Variants in DLG2 observed in about 807,000 individuals in gnomAD.
DLG2 encodes disks large homolog 2.
In DLG2, 45 loss-of-function variants were observed where a neutral mutation model predicts 132.5. That is an observed-to-expected ratio of 0.34 (90% CI 0.27 to 0.44). The LOEUF is 0.44. DLG2 is among the 20% of genes least tolerant of loss of function. The pLI is 1.00. For synonymous variants in DLG2, 424 were observed against 419.6 expected, an observed-to-expected ratio of 1.01 and a Z score of -0.13; for missense variants, 1,045 against 1,196.9, an observed-to-expected ratio of 0.87 and a Z score of 1.87.
intron 6 of DLG2, among the ~76,000 whole-genome samples, chr11:84,906,144 T>A (rs963486025): frequency 2.0e-5 from 3 of 152,048 alleles, no homozygotes; most frequent in Non-Finnish European, 2.9e-5. Context: ...CACTCTATAA[T>A]TTTTATTTTC....
chr11:85,128,339 A>G (rs968327782), intron 5 of DLG2, among the ~76,000 whole-genome samples: 4 of 152,146 alleles, frequency 2.6e-5, no homozygotes, highest in African/African-American at 9.6e-5. Context: ...TCTTCAGAGA[A>G]AATATAGAAT....
intron 6 of DLG2, among the ~76,000 whole-genome samples, chr11:84,597,793 C>T (rs1173341717): frequency 2.0e-5 from 3 of 152,136 alleles, no homozygotes; most frequent in South Asian, 4.2e-4. Context: ...CATCATTTGC[C>T]TTCAGTAGGA....
At chr11:84,347,938 G>A (rs138737529) in intron 7 of DLG2, among the ~76,000 whole-genome samples, 142 of 152,266 alleles carry the variant, frequency 9.3e-4, no homozygotes, top group African/African-American at 3.1e-3. Flanking sequence ...TCCCCATTCT[G>A]ACAATTTGTG....
In DLG2 at chr11:84,426,556, C is replaced by T. The variant is rs76480691; in HGVS notation, c.519+108014G>A. Among the ~76,000 whole-genome samples, 762 of 152,152 alleles carry T rather than the reference C, an allele frequency of 5.0e-3. 11 individuals carry two copies. The highest frequency in any genetic ancestry group is 0.018 in the African/African-American group (736 of 41,522). On this transcript the variant is annotated intron_variant, in intron 7 of 27. Coordinates refer to ENST00000376104, the MANE Select transcript of DLG2 (RefSeq NM_001142699.3). ...TTGTGAATATTGCTAAATTAGAACACATAAAATCATAGAGTAGTGACTGGC... is the reference window on the plus strand; with the variant it reads ...TTGTGAATATTGCTAAATTAGAACATATAAAATCATAGAGTAGTGACTGGC...
At position 84,300,551 on chromosome 11, in the gene DLG2, C is replaced by T. The variant is rs1158369272; in HGVS notation, c.520-49260G>A. ...CTACTTTCCTATTTGTATTTATTTC[C>T]TTAATTCCTTCCTACTTTCCTTCCT... On this transcript the variant is annotated intron_variant, in intron 7 of 27. Transcript: ENST00000376104. Among the ~76,000 whole-genome samples, 4 of 152,238 alleles carry T rather than the reference C, an allele frequency of 2.6e-5. No homozygotes were observed. In the East Asian group the frequency reaches 5.8e-4, roughly 22 times the overall value.
At chr11:84,356,385 GAACA>G (rs1362227404) in intron 7 of DLG2, among the ~76,000 whole-genome samples, 1 of 152,016 alleles carries the variant, frequency 6.6e-6, no homozygotes, top group East Asian at 1.9e-4. Flanking sequence ...AGAAAACTGA[GAACA>G]AACAAAGAAC....
At chr11:85,241,413 T>A (rs1246945724) in intron 4 of DLG2, among the ~76,000 whole-genome samples, 1 of 151,950 alleles carries the variant, frequency 6.6e-6, no homozygotes, top group Non-Finnish European at 1.5e-5. Context: ...TGGCTAGGGC[T>A]TCCCATATAT....
rs900030825 is a variant in DLG2, at chr11:83,519,996, G to C, written c.2193+12712C>G. ...TTACCTCATGCCCCAAATTCATTAT[G>C]GTATTAATTCTTTGGGCAGGTGAGC... On this transcript the variant is annotated intron_variant, in intron 21 of 27. Coordinates refer to ENST00000376104, the MANE Select transcript of DLG2 (RefSeq NM_001142699.3). 1.1e-4 allele frequency among the ~76,000 whole-genome samples: 16 copies of C among 152,130 alleles called. 1 individual carries two copies. The highest frequency in any genetic ancestry group is 2.7e-4 in the African/African-American group (11 of 41,420).
In DLG2 at chr11:85,549,580, A is replaced by G. The variant is rs60537342; in HGVS notation, c.40+49077T>C. ...TTGAGCCAGAGCAACTCCATCTTGT[A>G]TAGGGGCTAGGTAAAATAAGACTGA... On this transcript the variant is annotated intron_variant, in intron 3 of 27. Transcript: ENST00000376104. 9.2e-3 allele frequency among the ~76,000 whole-genome samples: 1,401 copies of G among 152,340 alleles called. 19 individuals carry two copies. Among genetic ancestry groups the G allele is most frequent in the African/African-American group, 0.03 (1,251 of 41,582 alleles).
intron 12 of DLG2, among the ~76,000 whole-genome samples, chr11:83,969,803 C>T (rs2090974404): frequency 6.6e-6 from 1 of 152,088 alleles, no homozygotes; most frequent in Non-Finnish European, 1.5e-5. Context: ...AAACTCCTGA[C>T]CTCAGGTGAT....
chr11:84,197,446 A>T (rs919065930), intron 8 of DLG2, among the ~76,000 whole-genome samples: 3 of 152,192 alleles, frequency 2.0e-5, no homozygotes, highest in African/African-American at 7.2e-5. Context: ...GAAGTTAAGG[A>T]TCTTCTGTTA....
intron 6 of DLG2, among the ~76,000 whole-genome samples, chr11:84,849,256 G>T (rs2081893317): frequency 1.3e-5 from 2 of 152,162 alleles, no homozygotes. Context: ...TAAAATGGTG[G>T]TTGTTTTAAG....
At chr11:83,837,827 A>G (rs1051514654) in intron 16 of DLG2, among the ~76,000 whole-genome samples, 4 of 151,230 alleles carry the variant, frequency 2.6e-5, no homozygotes, top group Non-Finnish European at 5.9e-5. Flanking sequence ...TTCCAACTCT[A>G]AAGTCTTCCT....
intron 22 of DLG2, among the ~76,000 whole-genome samples, chr11:83,474,492 C>T (rs2092419035): frequency 6.6e-6 from 1 of 152,060 alleles, no homozygotes; most frequent in Non-Finnish European, 1.5e-5. Flanking sequence ...TATAACTTTA[C>T]AGGGGAAATC....
chr11:84,345,539 G>A (rs17147233), intron 7 of DLG2, among the ~76,000 whole-genome samples: 3,097 of 152,306 alleles, frequency 0.02, 96 homozygotes, highest in South Asian at 0.13. Context: ...TAGTGGTGGT[G>A]TAATATCCCA....
Position 85,468,873 on chromosome 11 carries a change from G to A in DLG2, c.40+129784C>T, listed in dbSNP as rs1250662977. On this transcript the variant is annotated intron_variant, in intron 3 of 27. Transcript: ENST00000376104. ...GAGTCTCACCACATTGCCTAAGTTG[G>A]TCTTCAACTTGTGGGCTCAAGCAAT... 2.6e-5 allele frequency among the ~76,000 whole-genome samples: 4 copies of A among 152,020 alleles called. 1 individual carries two copies. The highest frequency in any genetic ancestry group is 2.0e-4 in the Admixed American group (3 of 15,262).
At chr11:85,458,973 C>T (rs987144492) in intron 3 of DLG2, among the ~76,000 whole-genome samples, 1 of 152,082 alleles carries the variant, frequency 6.6e-6, no homozygotes, top group African/African-American at 2.4e-5. Context: ...AGATGTGGAC[C>T]CATTATTAAT....
chr11:83,903,939 T>C (rs2074106612), intron 15 of DLG2, among the ~76,000 whole-genome samples: 1 of 152,190 alleles, frequency 6.6e-6, no homozygotes, highest in South Asian at 2.1e-4. Context: ...ATATCTATGA[T>C]AAAACTTGAT....
chr11:83,574,933 C>A (rs2096851570), intron 19 of DLG2, among the ~76,000 whole-genome samples: 1 of 152,150 alleles, frequency 6.6e-6, no homozygotes, highest in Non-Finnish European at 1.5e-5. Context: ...ATCTTACAAC[C>A]ACTGTGTATG....
Sources: gnomAD v4.1 joint callset for allele counts (sites outside exome capture counted in the v4.1 genomes callset) on GRCh38, gnomAD v4.1.1 for gene constraint, MANE v1.5 for transcripts, NCBI Gene and HGNC (gene_info 2026-07-23, HGNC 2026-07-21) for gene names.